Variants in CAPN3 observed in about 807,000 individuals in gnomAD.
CAPN3 encodes calpain 3.
CAPN3 carries 88 observed loss-of-function variants against 114.0 expected under a neutral mutation model. That is an observed-to-expected ratio of 0.77 (90% CI 0.65 to 0.92). The LOEUF (loss-of-function observed/expected upper bound fraction) is 0.92. Ranked by LOEUF, CAPN3 falls within the 40% of genes least tolerant of loss-of-function variation. The pLI, the probability that CAPN3 is intolerant of heterozygous loss-of-function variation, is 0.00. For missense variants in CAPN3, 1,028 were observed against 1,069.0 expected (o/e 0.96, Z 0.53); for synonymous variants, 386 against 382.9 (o/e 1.01, Z -0.09).
At position 42,399,625 on chromosome 15, in the gene CAPN3, T is replaced by C. The variant is rs1595834751; in HGVS notation, c.1327T>C (p.Ser443Pro). Residue 443 changes from serine (S) to proline (P), a missense_variant, in exon 10 of 24, where the codon TCT becomes CCT. Ser to Pro is a moderately conservative substitution (Grantham distance 74). Transcript: ENST00000397163. ...CGAGGGCCGCTGGGTACGGGGTTGC[T>C]CTGCCGGAGGCTGCCGCAACTTCCC... is the stretch of plus-strand genomic sequence containing the variant. ...VNEGRWVRGC[S>P]AGGCRNFPDT... is the part of the protein sequence containing the mutation. 1.2e-6 allele frequency: 2 copies of C among 1,609,668 alleles called. No homozygotes were observed. The highest frequency in any genetic ancestry group is 1.7e-6 in the Non-Finnish European group (2 of 1,177,684).
intron 1 of CAPN3, among the ~76,000 whole-genome samples, chr15:42,366,231 C>T (rs2052772103): frequency 6.6e-6 from 1 of 152,190 alleles, no homozygotes; most frequent in Non-Finnish European, 1.5e-5. Flanking sequence ...GAGTCCCTTC[C>T]CATCTAACTC....
At chr15:42,410,229 G>A (rs889327529) in intron 19 of CAPN3, among the ~76,000 whole-genome samples, 199 bp from the exon 20 acceptor site, 1 of 152,144 alleles carries the variant, frequency 6.6e-6, no homozygotes, top group African/African-American at 2.4e-5. Flanking sequence ...CTGGGATCCT[G>A]CCCAAGCAAA....
rs1203522520 is a variant in CAPN3 at position 42,394,261 on chromosome 15, G to A, written c.1035G>A (p.Pro345=). The part of the protein sequence containing the change: ...AYSVTGLDEV[P]FKGEKVKLVR... The stretch of plus-strand genomic sequence containing the variant: ...GCTCTTTCTGTGTGCTTAAGGTCCC[G>A]TTCAAAGGTGAGAAAGTGAAGCTGG... The change falls in exon 8 of 24, where the codon CCG becomes CCA. Residue 345 remains proline, a synonymous_variant. Transcript: ENST00000397163. 9.6e-6 allele frequency: 15 copies of A among 1,557,082 alleles called. No homozygotes were observed. The highest frequency in any genetic ancestry group is 4.8e-5 in the East Asian group (2 of 41,538).
intron 12 of CAPN3, 29 bp downstream of exon 12, chr15:42,402,164 T>A (rs1168109396): frequency 1.2e-6 from 2 of 1,613,890 alleles, no homozygotes; most frequent in African/African-American, 2.7e-5. Flanking sequence ...CCAGCAGTTG[T>A]GTGCAGCACT....
chr15:42,362,148 T>G (rs1410994300), intron 1 of CAPN3, among the ~76,000 whole-genome samples: 1 of 152,176 alleles, frequency 6.6e-6, no homozygotes, highest in Non-Finnish European at 1.5e-5. Context: ...ACATGGAGGC[T>G]CATGCCTGTA....
Position 42,409,339 on chromosome 15 carries a change from C to A in CAPN3, c.1951C>A (p.Gln651Lys), listed in dbSNP as rs1314405681. Residue 651 changes from glutamine to lysine, a missense_variant, in exon 17 of 24, where the codon CAG becomes AAG. Transcript: ENST00000397163. Reference protein sequence around the residue: ...PGSSDQESEEQQQFRNIFKQI... With the variant: ...PGSSDQESEEKQQFRNIFKQI... Reference sequence around the variant, plus strand: ...CAGCTCTGATCAGGAAAGTGAGGAACAGCAACAATTCCGGAACATTTTCAA... The same window carrying A: ...CAGCTCTGATCAGGAAAGTGAGGAAAAGCAACAATTCCGGAACATTTTCAA... 20 of 1,614,100 alleles carry A rather than the reference C, an allele frequency of 1.2e-5. No individual in the cohort carries two copies. The highest frequency in any genetic ancestry group is 1.7e-5 in the Non-Finnish European group (20 of 1,180,032).
chr15:42,407,482 C>G (rs139588502), intron 15 of CAPN3, among the ~76,000 whole-genome samples: 48 of 152,290 alleles, frequency 3.2e-4, no homozygotes, highest in African/African-American at 1.1e-3. Context: ...GCACCCACCA[C>G]CACACCCAGC....
At chr15:42,391,189 C>T (rs1205972167) in intron 6 of CAPN3, among the ~76,000 whole-genome samples, 1 of 152,080 alleles carries the variant, frequency 6.6e-6, no homozygotes, top group Non-Finnish European at 1.5e-5. Context: ...AATTTATTTA[C>T]CCAATACCCT....
At position 42,410,904 on chromosome 15, in the gene CAPN3, C is replaced by T. The variant is rs1269949487; in HGVS notation, c.2284C>T (p.Leu762Phe). The T allele has an allele frequency of 6.2e-7, 1 of 1,613,978 alleles. No individual in the cohort carries two copies. Among genetic ancestry groups the T allele is most frequent in the Non-Finnish European group, 8.5e-7 (1 of 1,179,912 alleles). The change falls in exon 22 of 24, where the codon CTC becomes TTC. Residue 762 changes from leucine to phenylalanine, a missense_variant. Transcript: ENST00000397163. ...NDAGFHLNNQ[L>F]YDIITMRYAD... ...CACAGGATTCCACCTCAACAACCAG[C>T]TCTATGACATCATTACCATGCGGTA...
intron 2 of CAPN3, among the ~76,000 whole-genome samples, chr15:42,385,465 C>T (rs2053369346): frequency 6.6e-6 from 1 of 151,884 alleles, no homozygotes; most frequent in Non-Finnish European, 1.5e-5. Flanking sequence ...TTTCACTTAA[C>T]CCATCCTCCT....
At position 42,392,637 on chromosome 15, in the gene CAPN3, A is replaced by G. The variant is rs1595826673; in HGVS notation, c.946-2A>G. 5.6e-6 allele frequency: 9 copies of G among 1,613,118 alleles called. No homozygotes were observed. Among genetic ancestry groups the G allele is most frequent in the Non-Finnish European group, 6.8e-6 (8 of 1,179,186 alleles). On this transcript the variant is annotated splice_acceptor_variant, in intron 6 of 23. Transcript: ENST00000397163. LOFTEE classifies it high-confidence loss of function. The stretch of plus-strand genomic sequence containing the variant: ...ATGGGTTCTCTGGTTACTGCTCTAC[A>G]GACAATCATTCCGGTTCAGTATGAG...
Position 42,389,038 on chromosome 15 carries a change from T to C in CAPN3, c.743T>C (p.Met248Thr). The C allele has an allele frequency of 6.2e-7, 1 of 1,613,992 alleles. No individual in the cohort carries two copies. The change falls in exon 5 of 24, where the codon ATG becomes ACG. Residue 248 changes from methionine to threonine, a missense_variant. Met to Thr is a moderately conservative substitution (Grantham distance 81). Coordinates refer to ENST00000397163, the MANE Select transcript of CAPN3 (RefSeq NM_000070.3). ...GAGATCAGGGATGCTCCTAGTGACA[T>C]GTACAAGATCATGAAGAAAGCCATC... ...FFEIRDAPSD[M>T]YKIMKKAIER... is the part of the protein sequence containing the mutation.
intron 8 of CAPN3, among the ~76,000 whole-genome samples, chr15:42,394,685 A>G (rs1407640625): frequency 1.3e-5 from 2 of 152,118 alleles, no homozygotes; most frequent in Non-Finnish European, 2.9e-5. Flanking sequence ...TTCCTGTGAA[A>G]TGGGAACAGT....
intron 1 of CAPN3, among the ~76,000 whole-genome samples, chr15:42,375,647 A>G (rs2053072870): frequency 6.6e-6 from 1 of 152,204 alleles, no homozygotes; most frequent in Non-Finnish European, 1.5e-5. Flanking sequence ...ATTTATATCT[A>G]TTTTTTAAAT....
chr15:42,373,963 A>G (rs1239376732), intron 1 of CAPN3, among the ~76,000 whole-genome samples: 1 of 152,138 alleles, frequency 6.6e-6, no homozygotes, highest in Non-Finnish European at 1.5e-5. Context: ...CTCTGTAACT[A>G]TAGTAATATT....
intron 10 of CAPN3, among the ~76,000 whole-genome samples, chr15:42,400,574 T>TA (rs111623717): frequency 0.019 from 2,706 of 141,260 alleles, 74 homozygotes; most frequent in African/African-American, 0.064. Context: ...TTACAAAAAA[T>TA]AAAAAAAAAA....
chr15:42,402,453 C>G, intron 12 of CAPN3: 1 of 1,428,582 alleles, frequency 7.0e-7, no homozygotes, highest in Non-Finnish European at 9.1e-7. Flanking sequence ...TGGCTGCCCG[C>G]TTGGGATGGA....
rs1196127556 is a variant in CAPN3, at chr15:42,402,144, G to A, written c.1536+9G>A. On this transcript the variant is annotated intron_variant, in intron 12 of 23. Transcript: ENST00000397163. ...TCAAGGTTCCCAAAGAGGTATAGCA[G>A]CAGCAGCGGCCAGCAGTTGTGTGCA... 2.5e-6 allele frequency: 4 copies of A among 1,614,078 alleles called. No homozygotes were observed. The highest frequency in any genetic ancestry group is 3.4e-6 in the Non-Finnish European group (4 of 1,180,022).
At chr15:42,386,649 C>T (rs2053415589) in intron 3 of CAPN3, among the ~76,000 whole-genome samples, 1 of 152,136 alleles carries the variant, frequency 6.6e-6, no homozygotes, top group African/African-American at 2.4e-5. Flanking sequence ...GTACAGGAAC[C>T]CCTGTCCAGG....
Sources: allele counts gnomAD v4.1 joint callset (sites outside exome capture counted in the v4.1 genomes callset), GRCh38; gene constraint gnomAD v4.1.1; transcripts MANE v1.5; gene names NCBI Gene and HGNC (gene_info 2026-07-23, HGNC 2026-07-21).